Variants in CELF2 observed in about 807,000 individuals in gnomAD.
CELF2 encodes the protein CUGBP Elav-like family member 2, also known as CUG triplet repeat RNA-binding protein 2.
CELF2 carries 8 observed loss-of-function variants against 62.6 expected under a neutral mutation model. That is an observed-to-expected ratio of 0.13 (90% CI 0.07 to 0.23). The LOEUF (loss-of-function observed/expected upper bound fraction) is 0.23. Among genes scored for constraint, CELF2 ranks in the 10% least tolerant of loss-of-function variants. The probability of loss-of-function intolerance (pLI) is 1.00; values close to 1 mark genes in which losing one functional copy is unlikely to be tolerated. For missense variants in CELF2, 333 were observed against 671.0 expected (o/e 0.50, Z 5.56); for synonymous variants, 258 against 250.0 (o/e 1.03, Z -0.30).
At chr10:10,560,395 C>A in the CELF2 span, among the ~76,000 whole-genome samples, 3 of 152,168 alleles carry the variant, frequency 2.0e-5, no homozygotes, top group African/African-American at 7.2e-5. Context: ...GGATTACCAA[C>A]CATCTAATGT....
chr10:10,819,452 T>C (rs1251096594), intron 1 of CELF2, among the ~76,000 whole-genome samples: 3 of 152,164 alleles, frequency 2.0e-5, no homozygotes, highest in Non-Finnish European at 2.9e-5. Context: ...GGGTTACCAA[T>C]GCCAAATCTT....
the CELF2 span, among the ~76,000 whole-genome samples, chr10:10,639,594 C>T: frequency 6.6e-6 from 1 of 152,112 alleles, no homozygotes; most frequent in African/African-American, 2.4e-5. Flanking sequence ...TTTAATTGCC[C>T]TGATATATAT....
chr10:10,492,506 T>C, the CELF2 span, among the ~76,000 whole-genome samples: 2 of 152,296 alleles, frequency 1.3e-5, no homozygotes, highest in South Asian at 2.1e-4. Context: ...GACAAAAGTA[T>C]GGCGGTTCTT....
At chr10:11,102,937 AG>A (rs2052170606) in intron 1 of CELF2, among the ~76,000 whole-genome samples, 1 of 152,120 alleles carries the variant, frequency 6.6e-6, no homozygotes. Context: ...TCCCTTGCAC[AG>A]TTGGAACAAC....
intron 1 of CELF2, among the ~76,000 whole-genome samples, chr10:11,113,369 A>G (rs1750737): frequency 0.14 from 21,726 of 152,152 alleles, 2,833 homozygotes; most frequent in East Asian, 0.65. Flanking sequence ...TAGATGGTGC[A>G]TGGGGAATTG....
At chr10:11,007,173 C>A (rs969874659) in intron 1 of CELF2, among the ~76,000 whole-genome samples, 1 of 152,110 alleles carries the variant, frequency 6.6e-6, no homozygotes, top group Non-Finnish European at 1.5e-5. Context: ...TTAAGTACCT[C>A]ATTTTAAAAA....
At chr10:10,988,250 T>C (rs1407140619) in intron 2 of CELF2, among the ~76,000 whole-genome samples, 1 of 150,400 alleles carries the variant, frequency 6.6e-6, no homozygotes, top group East Asian at 1.9e-4. Context: ...TATATAGATA[T>C]ACACACATAC....
intron 2 of CELF2, among the ~76,000 whole-genome samples, chr10:11,193,175 G>C (rs141561388): frequency 1.2e-4 from 18 of 152,286 alleles, no homozygotes; most frequent in Non-Finnish European, 2.1e-4. Context: ...TGTCATCATA[G>C]TCCTTCCTTT....
intron 1 of CELF2, among the ~76,000 whole-genome samples, chr10:10,899,184 G>A (rs935303721): frequency 6.6e-6 from 1 of 152,026 alleles, no homozygotes. Context: ...ACAAAAAGAA[G>A]AGCTAATTAA....
chr10:11,174,762 A>G (rs1433624816), intron 2 of CELF2, among the ~76,000 whole-genome samples: 1 of 152,162 alleles, frequency 6.6e-6, no homozygotes, highest in Admixed American at 6.5e-5. Flanking sequence ...CTTTGTCTGC[A>G]TTTACTAAGT....
At chr10:11,024,039 C>T in intron 1 of CELF2, among the ~76,000 whole-genome samples, 1 of 152,180 alleles carries the variant, frequency 6.6e-6, no homozygotes, top group East Asian at 1.9e-4. Flanking sequence ...TTTTTTCCTC[C>T]TAAAGATTTA....
At chr10:10,527,733 G>A in the CELF2 span, among the ~76,000 whole-genome samples, 2 of 152,166 alleles carry the variant, frequency 1.3e-5, no homozygotes, top group Non-Finnish European at 2.9e-5. Flanking sequence ...TCTTTATGCG[G>A]AAGAAAATAC....
intron 1 of CELF2, among the ~76,000 whole-genome samples, chr10:10,848,324 C>T (rs575209621): frequency 6.6e-6 from 1 of 152,232 alleles, no homozygotes; most frequent in South Asian, 2.1e-4. Context: ...GCTCCTTTCC[C>T]CTGTCTGTAC....
chr10:10,921,790 C>G (rs1272280556), intron 2 of CELF2, among the ~76,000 whole-genome samples: 2 of 151,300 alleles, frequency 1.3e-5, no homozygotes, highest in Admixed American at 1.3e-4. Context: ...ACTGGGGCCT[C>G]AGGGAGTCTT....
At chr10:10,645,097 G>A in the CELF2 span, among the ~76,000 whole-genome samples, 3 of 152,184 alleles carry the variant, frequency 2.0e-5, no homozygotes, top group Non-Finnish European at 4.4e-5. Context: ...AAAGAACATG[G>A]ATGCTTTCAG....
the CELF2 span, among the ~76,000 whole-genome samples, chr10:10,739,369 T>C: frequency 6.6e-6 from 1 of 152,196 alleles, no homozygotes; most frequent in Non-Finnish European, 1.5e-5. Context: ...AATATACAAG[T>C]GCTAATCAAT....
At chr10:10,579,255 G>T in the CELF2 span, among the ~76,000 whole-genome samples, 3 of 152,180 alleles carry the variant, frequency 2.0e-5, no homozygotes, top group Non-Finnish European at 4.4e-5. Flanking sequence ...TTATGGATTT[G>T]CATCTTGGAG....
chr10:11,064,549 C>T (rs1004709120), intron 1 of CELF2, among the ~76,000 whole-genome samples: 2 of 152,126 alleles, frequency 1.3e-5, no homozygotes, highest in African/African-American at 4.8e-5. Flanking sequence ...ATCAGTTAAA[C>T]CATAGTGAAC....
rs537635527 is a variant in CELF2, at chr10:10,955,004, T to G, written c.89+35005T>G. Among the ~76,000 whole-genome samples the G allele has an allele frequency of 7.6e-4, 116 of 152,362 alleles. 2 individuals are homozygous for G. Among genetic ancestry groups the G allele is most frequent in the Non-Finnish European group, 1.4e-3 (97 of 68,036 alleles). On this transcript the variant is annotated intron_variant, in intron 2 of 13. Coordinates refer to the CELF2 transcript ENST00000636488. ...AAAGGCTCCAAATAGCTTAGCAATTTTATTTCTGTGATCTTTCCTTCTGGT... is the reference window on the plus strand; with the variant it reads ...AAAGGCTCCAAATAGCTTAGCAATTGTATTTCTGTGATCTTTCCTTCTGGT...
Sources: gnomAD v4.1 joint callset for allele counts (sites outside exome capture counted in the v4.1 genomes callset) on GRCh38, gnomAD v4.1.1 for gene constraint, MANE v1.5 for transcripts, NCBI Gene and HGNC (gene_info 2026-07-23, HGNC 2026-07-21) for gene names.